LIN7A: variants seen among roughly 807,000 people sequenced by gnomAD.
The protein encoded by LIN7A is protein lin-7 homolog A.
A neutral mutation model predicts 29.8 loss-of-function variants in LIN7A; 25 were observed. That is an observed-to-expected ratio of 0.84 (90% CI 0.61 to 1.17). LIN7A has a LOEUF of 1.17. Among genes scored for constraint, LIN7A ranks in the 50% most tolerant of loss-of-function variants. The probability of loss-of-function intolerance (pLI) is 0.00; values close to 1 mark genes in which losing one functional copy is unlikely to be tolerated. For synonymous variants in LIN7A, 118 were observed against 107.5 expected (o/e 1.10, Z -0.60); for missense variants, 239 against 287.0 (o/e 0.83, Z 1.21).
chr12:80,842,723 A>G (rs920052439), intron 4 of LIN7A, among the ~76,000 whole-genome samples: 1 of 152,066 alleles, frequency 6.6e-6, no homozygotes, highest in Non-Finnish European at 1.5e-5. Flanking sequence ...GAGTTCTAGA[A>G]TTGGATTAAC....
At chr12:80,927,617 AC>A (rs1187658598) in intron 1 of LIN7A, among the ~76,000 whole-genome samples, 1 of 152,222 alleles carries the variant, frequency 6.6e-6, no homozygotes, top group Non-Finnish European at 1.5e-5. Context: ...AACTAAGGAT[AC>A]CAAACCTCTT....
rs1870264940 is a variant in LIN7A, at chr12:80,792,798, A to G, written c.*4929T>C. 1 of 152,194 alleles carries G rather than the reference A, an allele frequency of 6.6e-6. No homozygotes were observed. The highest frequency in any genetic ancestry group is 2.1e-4 in the South Asian group (1 of 4,832). 9.4% of individuals were successfully genotyped at this position (152,194 alleles called of 1,614,324 possible). On this transcript the variant is annotated 3_prime_UTR_variant, in exon 6 of 6. Transcript: ENST00000552864. ...GCACCAAATAGACACAGCGGCTAAC[A>G]AGAAATAAATCTGAAAAGTCACTGA...
At chr12:80,821,625 C>T (rs1312835134) in intron 4 of LIN7A, among the ~76,000 whole-genome samples, 3 of 152,158 alleles carry the variant, frequency 2.0e-5, no homozygotes, top group African/African-American at 7.2e-5. Flanking sequence ...GTGGACACTG[C>T]GAAGACACCA....
chr12:80,827,443 T>C (rs1872135375), intron 4 of LIN7A, among the ~76,000 whole-genome samples: 2 of 152,138 alleles, frequency 1.3e-5, no homozygotes, highest in Admixed American at 6.5e-5. Flanking sequence ...TAGGTTTATA[T>C]GGACTACCCG....
At chr12:80,869,905 A>G (rs1470875185) in intron 2 of LIN7A, among the ~76,000 whole-genome samples, 2 of 152,228 alleles carry the variant, frequency 1.3e-5, no homozygotes, top group African/African-American at 4.8e-5. Flanking sequence ...ATAAAATTAT[A>G]GAGTCAGATA....
At chr12:80,804,198 GTATT>G (rs1383493151) in intron 5 of LIN7A, among the ~76,000 whole-genome samples, 2 of 152,082 alleles carry the variant, frequency 1.3e-5, no homozygotes, top group Non-Finnish European at 2.9e-5. Context: ...ATCCTCTTAA[GTATT>G]TATCCTTTGT....
chr12:80,934,602 A>T (rs966108518), intron 1 of LIN7A, among the ~76,000 whole-genome samples: 8 of 152,304 alleles, frequency 5.3e-5, no homozygotes, highest in African/African-American at 1.4e-4. Context: ...CCTAGCTTTG[A>T]TTTGTTTGCT....
rs1592928166 is a variant in LIN7A at position 80,890,528 on chromosome 12, T to G, written c.83-1159A>C. 1.1e-4 allele frequency among the ~76,000 whole-genome samples: 16 copies of G among 152,266 alleles called. No individual in the cohort carries two copies. The South Asian group carries it at 3.3e-3, about 32-fold the overall frequency. The stretch of plus-strand genomic sequence containing the variant: ...AATATAATAGCACAGCCACCTTCAA[T>G]AAAATTGTTAGCACCTCAGAATCTG... On this transcript the variant is annotated intron_variant, in intron 1 of 5. Coordinates refer to ENST00000552864, the MANE Select transcript of LIN7A (RefSeq NM_004664.4).
At chr12:80,846,277 T>G (rs796536923) in intron 3 of LIN7A, among the ~76,000 whole-genome samples, 1 of 152,336 alleles carries the variant, frequency 6.6e-6, no homozygotes, top group African/African-American at 2.4e-5. Context: ...TACTATCTAC[T>G]ATTATAATTA....
At chr12:80,801,114 CAT>C (rs1870700592) in intron 5 of LIN7A, among the ~76,000 whole-genome samples, 1 of 148,536 alleles carries the variant, frequency 6.7e-6, no homozygotes, top group South Asian at 2.1e-4. Flanking sequence ...ATAGAAATAA[CAT>C]TTCTGGAGAA....
Position 80,842,090 on chromosome 12 carries a change from G to A in LIN7A, c.483+3640C>T, listed in dbSNP as rs777090586. On this transcript the variant is annotated intron_variant, in intron 4 of 5. Coordinates refer to ENST00000552864, the MANE Select transcript of LIN7A (RefSeq NM_004664.4). ...AATTTTCTCTCCCAATGATTGCTGA[G>A]CTGACATGAGTTTCCATCTGTTTTT... 18 of 1,287,206 alleles carry A rather than the reference G, an allele frequency of 1.4e-5. No homozygotes were observed. The South Asian group carries it at 2.0e-4, about 14-fold the overall frequency. The allele number at this position is 1,287,206 out of a possible 1,614,324, so 79.7% of individuals were successfully genotyped here. A position where few individuals can be genotyped will look rare whatever the true frequency, so the allele number is the denominator to read the frequency against.
chr12:80,836,590 G>C (rs1003043095), intron 4 of LIN7A, among the ~76,000 whole-genome samples: 1 of 150,408 alleles, frequency 6.6e-6, no homozygotes, highest in African/African-American at 2.4e-5. Context: ...GGGAGGCAGA[G>C]TTTGCAGTGA....
At chr12:80,875,887 T>C (rs914021234) in intron 2 of LIN7A, among the ~76,000 whole-genome samples, 1 of 152,210 alleles carries the variant, frequency 6.6e-6, no homozygotes, top group Non-Finnish European at 1.5e-5. Flanking sequence ...ATTATAGATT[T>C]GAAACTGTTC....
intron 1 of LIN7A, among the ~76,000 whole-genome samples, chr12:80,923,276 T>C (rs1358125710): frequency 2.6e-5 from 4 of 152,202 alleles, no homozygotes; most frequent in Non-Finnish European, 5.9e-5. Flanking sequence ...TGTCTCAAAC[T>C]GAGAGTTACA....
At chr12:80,935,137 G>A (rs1233998714) in intron 1 of LIN7A, among the ~76,000 whole-genome samples, 1 of 151,956 alleles carries the variant, frequency 6.6e-6, no homozygotes, top group Non-Finnish European at 1.5e-5. Context: ...TTTTTTTATT[G>A]TACTGTGAGT....
At chr12:80,849,336 A>T (rs1873220526) in intron 2 of LIN7A, among the ~76,000 whole-genome samples, 1 of 152,182 alleles carries the variant, frequency 6.6e-6, no homozygotes, top group African/African-American at 2.4e-5. Flanking sequence ...TTTGTTTCAT[A>T]GAGACAGCCT....
intron 1 of LIN7A, among the ~76,000 whole-genome samples, chr12:80,927,134 A>G (rs1409055144): frequency 6.7e-6 from 1 of 149,360 alleles, no homozygotes; most frequent in East Asian, 2.0e-4. Flanking sequence ...GAGTTACAGT[A>G]AACTATTTTC....
intron 2 of LIN7A, among the ~76,000 whole-genome samples, chr12:80,878,017 G>T (rs1376467220): frequency 1.3e-5 from 2 of 152,128 alleles, no homozygotes; most frequent in African/African-American, 4.8e-5. Flanking sequence ...TTGAACTACT[G>T]TGTAAGTACA....
chr12:80,804,475 T>C (rs1870875826), intron 5 of LIN7A, among the ~76,000 whole-genome samples: 1 of 152,116 alleles, frequency 6.6e-6, no homozygotes, highest in African/African-American at 2.4e-5. Flanking sequence ...TATGTGATGT[T>C]TGTCTTTCTG....
Sources: allele counts gnomAD v4.1 joint callset (sites outside exome capture counted in the v4.1 genomes callset), GRCh38; gene constraint gnomAD v4.1.1; transcripts MANE v1.5; gene names NCBI Gene and HGNC (gene_info 2026-07-23, HGNC 2026-07-21).